R3HCC1L: variants seen among roughly 807,000 people sequenced by gnomAD.
R3HCC1L encodes R3H domain and coiled-coil containing 1 like, also known as coiled-coil domain-containing protein R3HCC1L.
Under a neutral mutation model 59.9 loss-of-function variants are expected in R3HCC1L, and 51 were observed. The ratio of observed to expected loss-of-function variants is 0.85; its 90% CI spans 0.68 to 1.07. The LOEUF (loss-of-function observed/expected upper bound fraction) is 1.07. Among genes scored for constraint, R3HCC1L ranks in the 50% least tolerant of loss-of-function variants. R3HCC1L has a pLI of 0.00. For synonymous variants in R3HCC1L, 322 were observed against 315.2 expected, an observed-to-expected ratio of 1.02 and a Z score of -0.23; for missense variants, 965 against 933.0, an observed-to-expected ratio of 1.03 and a Z score of -0.45.
chr10:98,196,385 G>A (rs1331264891), intron 4 of R3HCC1L, among the ~76,000 whole-genome samples: 1 of 152,054 alleles, frequency 6.6e-6, no homozygotes, highest in African/African-American at 2.4e-5. Flanking sequence ...GCTAAATCCA[G>A]TGGAAATTCT....
intron 1 of R3HCC1L, among the ~76,000 whole-genome samples, chr10:98,140,982 T>C (rs944401107): frequency 1.3e-5 from 2 of 151,900 alleles, no homozygotes; most frequent in Non-Finnish European, 1.5e-5. Context: ...AATCTCACAA[T>C]CTAAACATAA....
rs891588915 is a variant in R3HCC1L at position 98,244,357 on chromosome 10, C to G, written c.*199C>G. ...CTAAATGCAGTTCTTTGGAATCACC[C>G]TACTGTGGTGGGCGTAGTAGGGAGC... On this transcript the variant is annotated 3_prime_UTR_variant, in exon 10 of 10. Transcript: ENST00000298999. The G allele has an allele frequency of 3.9e-6, 2 of 507,594 alleles. No homozygotes were observed. Among genetic ancestry groups the G allele is most frequent in the African/African-American group, 3.9e-5 (2 of 51,898 alleles). The allele number at this position is 507,594 out of a possible 1,614,324, so 31.4% of individuals were successfully genotyped here.
intron 4 of R3HCC1L, among the ~76,000 whole-genome samples, chr10:98,171,835 T>C (rs994825224): frequency 6.6e-6 from 1 of 151,988 alleles, no homozygotes; most frequent in Non-Finnish European, 1.5e-5. Context: ...GATGATAAGA[T>C]GGAAGGAACA....
chr10:98,134,701 G>A lies in R3HCC1L; in HGVS notation c.-273G>A, dbSNP rs1259205239. The A allele has an allele frequency of 1.3e-5, 2 of 152,410 alleles. No individual in the cohort carries two copies. The highest frequency in any genetic ancestry group is 6.5e-5 in the Admixed American group (1 of 15,312). 9.4% of individuals were successfully genotyped at this position (152,410 alleles called of 1,614,324 possible). On this transcript the variant is annotated 5_prime_UTR_variant, in exon 1 of 10. Coordinates refer to ENST00000298999, the MANE Select transcript of R3HCC1L (RefSeq NM_001351015.2). ...GACGGCGGAAGCGGAGAGCAACAGC[G>A]CGCCGGTAACAACCAGCCCCGTATC...
intron 4 of R3HCC1L, among the ~76,000 whole-genome samples, chr10:98,178,056 T>C (rs1048663225): frequency 1.3e-5 from 2 of 152,204 alleles, no homozygotes; most frequent in Admixed American, 6.5e-5. Flanking sequence ...GCTCTTTAGT[T>C]TAATTAGACC....
intron 1 of R3HCC1L, among the ~76,000 whole-genome samples, chr10:98,145,313 GGAA>G (rs1386457547): frequency 1.3e-5 from 2 of 152,192 alleles, no homozygotes; most frequent in Non-Finnish European, 2.9e-5. Flanking sequence ...TATCTCTTGT[GGAA>G]GAAGAAGAGT....
At chr10:98,138,147 T>G (rs1844774991) in intron 1 of R3HCC1L, among the ~76,000 whole-genome samples, 1 of 152,244 alleles carries the variant, frequency 6.6e-6, no homozygotes, top group Non-Finnish European at 1.5e-5. Context: ...TTTACTTCCT[T>G]CAAGTGCCAT....
chr10:98,166,390 G>A (rs1302354613), intron 4 of R3HCC1L, among the ~76,000 whole-genome samples: 2 of 152,182 alleles, frequency 1.3e-5, no homozygotes, highest in Non-Finnish European at 2.9e-5. Flanking sequence ...TGTTATAGCA[G>A]CATGAACTAA....
At chr10:98,160,430 TA>T (rs1363301112) in intron 2 of R3HCC1L, among the ~76,000 whole-genome samples, 1 of 152,328 alleles carries the variant, frequency 6.6e-6, no homozygotes, top group African/African-American at 2.4e-5. Context: ...TTAAGTGTAT[TA>T]GATAAAATAT....
intron 5 of R3HCC1L, among the ~76,000 whole-genome samples, chr10:98,226,844 G>A (rs977013667): frequency 2.6e-5 from 4 of 152,194 alleles, no homozygotes; most frequent in African/African-American, 7.2e-5. Flanking sequence ...CACTTATGTG[G>A]TGATCACTTC....
intron 5 of R3HCC1L, among the ~76,000 whole-genome samples, chr10:98,228,365 G>T (rs977001428): frequency 6.6e-6 from 1 of 152,126 alleles, no homozygotes; most frequent in African/African-American, 2.4e-5. Context: ...GTGTCTTTTG[G>T]CTGCATAAAT....
At position 98,222,217 on chromosome 10, in the gene R3HCC1L, G is replaced by A. The variant is rs572905671; in HGVS notation, c.1786-9295G>A. On this transcript the variant is annotated intron_variant, in intron 5 of 9. Transcript: ENST00000298999. ...GTGTATAAGAATGCTTGTGATTTTT[G>A]TACATTGATTTTGTATCCTGAGTCT... is the stretch of plus-strand genomic sequence containing the variant. Among the ~76,000 whole-genome samples the A allele has an allele frequency of 2.4e-3, 366 of 152,230 alleles. 3 individuals are homozygous for A. Among genetic ancestry groups the A allele is most frequent in the African/African-American group, 7.7e-3 (318 of 41,518 alleles).
At chr10:98,234,578 C>CT (rs1305353545) in intron 7 of R3HCC1L, 62 bp downstream of exon 7, 3 of 1,508,386 alleles carry the variant, frequency 2.0e-6, no homozygotes, top group Non-Finnish European at 2.7e-6. Flanking sequence ...GCTACTTTTT[C>CT]TATTTCCCTT....
intron 4 of R3HCC1L, among the ~76,000 whole-genome samples, chr10:98,207,698 C>CA (rs1852855908): frequency 6.7e-6 from 1 of 148,250 alleles, no homozygotes; most frequent in Non-Finnish European, 1.5e-5. Flanking sequence ...ACAACAACAA[C>CA]AAAAAAATTA....
chr10:98,195,694 T>G (rs1162516343), intron 4 of R3HCC1L, among the ~76,000 whole-genome samples: 2 of 152,172 alleles, frequency 1.3e-5, no homozygotes, highest in Non-Finnish European at 2.9e-5. Flanking sequence ...AAACTGTACC[T>G]TGTTAAACCC....
intron 4 of R3HCC1L, among the ~76,000 whole-genome samples, chr10:98,203,702 T>C (rs1036185136): frequency 1.3e-5 from 2 of 152,222 alleles, no homozygotes; most frequent in Non-Finnish European, 1.5e-5. Flanking sequence ...TGTGAAAATA[T>C]GAAAGCCCAA....
chr10:98,145,583 C>T (rs1396333793), intron 1 of R3HCC1L, among the ~76,000 whole-genome samples: 3 of 152,162 alleles, frequency 2.0e-5, no homozygotes, highest in Non-Finnish European at 2.9e-5. Context: ...TGGGGACATG[C>T]ATTTATTCTA....
chr10:98,146,193 C>T (rs1270874667), intron 1 of R3HCC1L, among the ~76,000 whole-genome samples: 1 of 152,094 alleles, frequency 6.6e-6, no homozygotes, highest in African/African-American at 2.4e-5. Flanking sequence ...GGTTACAGCT[C>T]TGTTGACAAA....
rs1334159321 is a variant in R3HCC1L at position 98,152,588 on chromosome 10, C to T, written c.-267-3505C>T. ...GCCATCCCGTCTAGGAAGTGAGGAG[C>T]GTCTCTGCCCAGCCGCCCATAGTCT... On this transcript the variant is annotated intron_variant, in intron 1 of 9. Coordinates refer to ENST00000298999, the MANE Select transcript of R3HCC1L (RefSeq NM_001351015.2). Among the ~76,000 whole-genome samples the T allele has an allele frequency of 6.0e-4, 76 of 127,344 alleles. 4 individuals carry two copies. The highest frequency in any genetic ancestry group is 1.9e-3 in the African/African-American group (72 of 38,370). The allele number at this position is 127,344 out of a possible 152,430, so 83.5% of individuals were successfully genotyped here.
Sources: gnomAD v4.1 joint callset for allele counts (sites outside exome capture counted in the v4.1 genomes callset) on GRCh38, gnomAD v4.1.1 for gene constraint, MANE v1.5 for transcripts, NCBI Gene and HGNC (gene_info 2026-07-23, HGNC 2026-07-21) for gene names.